The following PTCHD4 variants were observed in gnomAD, a reference collection of about 807,000 sequenced individuals.
PTCHD4 encodes patched domain-containing protein 4.
PTCHD4 carries 33 observed loss-of-function variants against 58.1 expected under a neutral mutation model. The observed-to-expected ratio is 0.57, with a 90% CI of 0.43 to 0.76. The LOEUF (loss-of-function observed/expected upper bound fraction) is 0.76, where lower values mean the gene tolerates loss of function less well. Ranked by LOEUF, PTCHD4 falls within the 30% of genes least tolerant of loss-of-function variation. The probability of loss-of-function intolerance (pLI) is 0.00; values close to 1 mark genes in which losing one functional copy is unlikely to be tolerated. For missense variants in PTCHD4, 1,058 were observed against 1,027.1 expected (o/e 1.03, Z -0.41); for synonymous variants, 478 against 409.6 (o/e 1.17, Z -2.02).
intron 3 of PTCHD4, among the ~76,000 whole-genome samples, chr6:48,022,504 G>T (rs1044315913): frequency 7.2e-5 from 11 of 152,034 alleles, no homozygotes; most frequent in African/African-American, 2.7e-4. Flanking sequence ...CAGCTTCAAA[G>T]ATATTAAAAT....
At chr6:48,040,414 C>T (rs565312399) in intron 3 of PTCHD4, among the ~76,000 whole-genome samples, 4 of 152,058 alleles carry the variant, frequency 2.6e-5, no homozygotes, top group African/African-American at 9.6e-5. Flanking sequence ...TTTCCTCCCT[C>T]CCTCAGTGAA....
chr6:47,917,881 A>C (rs1765309128), intron 4 of PTCHD4, among the ~76,000 whole-genome samples: 1 of 152,214 alleles, frequency 6.6e-6, no homozygotes, highest in Non-Finnish European at 1.5e-5. Context: ...GTGTACAAGA[A>C]ATAGAAAAAT....
chr6:47,980,537 G>A (rs984100745), intron 4 of PTCHD4, among the ~76,000 whole-genome samples: 28 of 151,742 alleles, frequency 1.8e-4, no homozygotes, highest in Non-Finnish European at 2.7e-4. Context: ...TTCAAATCAC[G>A]TTTTATATAC....
In PTCHD4 at chr6:48,058,049, T is replaced by A. The variant is rs193288925; in HGVS notation, c.417+10181A>T. Among the ~76,000 whole-genome samples the A allele has an allele frequency of 2.6e-5, 4 of 152,360 alleles. No homozygotes were observed. In the East Asian group the frequency reaches 7.7e-4, roughly 29 times the overall value. On this transcript the variant is annotated intron_variant, in intron 3 of 4. Transcript: ENST00000339488. ...AGACTTTGGTTCTGAGCATTGGTAA[T>A]CTGTTATAGTCACCAGAGGTGCCTT...
intron 1 of PTCHD4, among the ~76,000 whole-genome samples, chr6:48,109,620 C>T (rs1765820120): frequency 1.3e-5 from 2 of 151,916 alleles, no homozygotes; most frequent in African/African-American, 4.8e-5. Context: ...AGAAGGCAGC[C>T]TACAAATTGG....
intron 3 of PTCHD4, among the ~76,000 whole-genome samples, chr6:48,040,194 TA>T: frequency 6.6e-6 from 1 of 152,264 alleles, no homozygotes; most frequent in Admixed American, 6.5e-5. Flanking sequence ...CACTGGGTAA[TA>T]AGGTTGGTCT....
rs1325630687 is a variant in PTCHD4, at chr6:47,868,697, C to A, written c.*9606G>T. Among the ~76,000 whole-genome samples, 4 of 151,628 alleles carry A rather than the reference C, an allele frequency of 2.6e-5. No individual in the cohort carries two copies. Among genetic ancestry groups the A allele is most frequent in the Admixed American group, 2.0e-4 (3 of 15,180 alleles). On this transcript the variant is annotated 3_prime_UTR_variant, in exon 5 of 5. Transcript: ENST00000339488. ...TTATTTAGTATTTGCAAATAGGTTCCAAATGTCCAGCTTAATTTTTCTGAG... is the reference window on the plus strand; with the variant it reads ...TTATTTAGTATTTGCAAATAGGTTCAAAATGTCCAGCTTAATTTTTCTGAG...
chr6:48,060,648 AT>A (rs775062062), intron 3 of PTCHD4, among the ~76,000 whole-genome samples: 84 of 151,812 alleles, frequency 5.5e-4, no homozygotes, highest in Non-Finnish European at 1.8e-4. Flanking sequence ...TAATTTCTGT[AT>A]TTTTTCATAG....
intron 4 of PTCHD4, among the ~76,000 whole-genome samples, chr6:47,998,712 T>C (rs533287979): frequency 6.6e-6 from 1 of 152,286 alleles, no homozygotes; most frequent in South Asian, 2.1e-4. Context: ...ATTCACCTCT[T>C]ACTTCTCATG....
chr6:47,987,867 C>T (rs940648269), intron 4 of PTCHD4, among the ~76,000 whole-genome samples: 1 of 151,736 alleles, frequency 6.6e-6, no homozygotes, highest in Admixed American at 6.6e-5. Context: ...GTCTCTGCCT[C>T]CAGGTTCAGG....
At chr6:48,104,796 G>A (rs975054249) in intron 1 of PTCHD4, among the ~76,000 whole-genome samples, 2 of 152,164 alleles carry the variant, frequency 1.3e-5, no homozygotes, top group Admixed American at 1.3e-4. Context: ...GGCAGGGGTT[G>A]CAATCCTAGT....
At position 48,069,432 on chromosome 6, in the gene PTCHD4, T is replaced by G. The variant is rs1764928872; in HGVS notation, c.-475A>C. 6.6e-6 allele frequency among the ~76,000 whole-genome samples: 1 copy of G among 152,054 alleles called. No individual in the cohort carries two copies. The highest frequency in any genetic ancestry group is 1.5e-5 in the Non-Finnish European group (1 of 68,018). ...CTCCAGTTTCCCTGTGCCCTCGAAT[T>G]CTGCTTTTCAGCGAAGAAAAGGAGC... On this transcript the variant is annotated 5_prime_UTR_variant, in exon 2 of 5. Transcript: ENST00000339488.
intron 1 of PTCHD4, among the ~76,000 whole-genome samples, chr6:48,106,163 G>A (rs914112187): frequency 6.6e-6 from 1 of 152,122 alleles, no homozygotes; most frequent in East Asian, 1.9e-4. Context: ...GAGAATTTTA[G>A]ACCAATATCC....
At chr6:48,023,010 G>C (rs886097473) in intron 3 of PTCHD4, among the ~76,000 whole-genome samples, 10 of 152,112 alleles carry the variant, frequency 6.6e-5, no homozygotes, top group African/African-American at 2.4e-4. Flanking sequence ...TGATGTAGGA[G>C]AGTAGTGACC....
intron 4 of PTCHD4, among the ~76,000 whole-genome samples, chr6:47,902,893 G>A (rs892612550): frequency 6.6e-6 from 1 of 152,086 alleles, no homozygotes; most frequent in African/African-American, 2.4e-5. Context: ...AAATTGTCTT[G>A]GAGCTCTCTA....
rs529547886 is a variant in PTCHD4 at position 47,863,664 on chromosome 6, T to C, written c.*14639A>G. ...ACTTAACTCATGTCCTACATGAATCTAGTTCTAGTATAGAGTGCTAGTTCT... is the reference window on the plus strand; with the variant it reads ...ACTTAACTCATGTCCTACATGAATCCAGTTCTAGTATAGAGTGCTAGTTCT... On this transcript the variant is annotated 3_prime_UTR_variant, in exon 5 of 5. Transcript: ENST00000339488. Among the ~76,000 whole-genome samples the C allele has an allele frequency of 6.6e-6, 1 of 152,138 alleles. No individual in the cohort carries two copies. Among genetic ancestry groups the C allele is most frequent in the African/African-American group, 2.4e-5 (1 of 41,554 alleles).
At position 47,886,561 on chromosome 6, in the gene PTCHD4, G is replaced by A. The variant is rs955145461; in HGVS notation, c.899-6625C>T. ...CCCTTAGAAGTTATTTCTTCATTTGGTTAGCTACACTTTCAATAATTGTGT... is the reference window on the plus strand; with the variant it reads ...CCCTTAGAAGTTATTTCTTCATTTGATTAGCTACACTTTCAATAATTGTGT... On this transcript the variant is annotated intron_variant, in intron 4 of 4. Transcript: ENST00000339488. 2.6e-5 allele frequency among the ~76,000 whole-genome samples: 4 copies of A among 152,116 alleles called. No homozygotes were observed. The South Asian group carries it at 8.3e-4, about 32-fold the overall frequency.
intron 4 of PTCHD4, among the ~76,000 whole-genome samples, chr6:47,975,391 T>A (rs1328096114): frequency 5.3e-5 from 8 of 152,312 alleles, no homozygotes; most frequent in African/African-American, 1.9e-4. Context: ...TTCTTTTTTT[T>A]ACATTTTTTA....
chr6:48,041,389 T>TAAC (rs1763843259), intron 3 of PTCHD4, among the ~76,000 whole-genome samples: 1 of 152,076 alleles, frequency 6.6e-6, no homozygotes, highest in Non-Finnish European at 1.5e-5. Flanking sequence ...CTAAATAAAG[T>TAAC]AACACTTGGT....
Sources: gnomAD v4.1 joint callset for allele counts (sites outside exome capture counted in the v4.1 genomes callset) on GRCh38, gnomAD v4.1.1 for gene constraint, MANE v1.5 for transcripts, NCBI Gene and HGNC (gene_info 2026-07-23, HGNC 2026-07-21) for gene names.